FGFRL1: variants seen among roughly 807,000 people sequenced by gnomAD.
FGFRL1 encodes fibroblast growth factor receptor-like 1.
In FGFRL1, 24 loss-of-function variants were observed where a neutral mutation model predicts 36.8. That is an observed-to-expected ratio of 0.65 (90% CI 0.47 to 0.92). FGFRL1 has a LOEUF of 0.92. FGFRL1 is among the 40% of genes least tolerant of loss of function. The pLI is 0.00. For missense variants in FGFRL1, 785 were observed against 753.4 expected (o/e 1.04, Z -0.49); for synonymous variants, 422 against 344.1 (o/e 1.23, Z -2.50).
chr4:1,010,398 C>G (rs970288210), upstream of FGFRL1, among the ~76,000 whole-genome samples: 13 of 152,266 alleles, frequency 8.5e-5, no homozygotes, highest in African/African-American at 1.2e-4. Flanking sequence ...GGGCTGGGAA[C>G]CAGCACCTTG....
intron 2 of FGFRL1, among the ~76,000 whole-genome samples, chr4:1,018,105 G>A (rs1715988510): frequency 6.6e-6 from 1 of 152,182 alleles, no homozygotes; most frequent in Non-Finnish European, 1.5e-5. Flanking sequence ...GCTGATATGA[G>A]GGCCTGTGAA....
Position 1,024,504 on chromosome 4 carries a change from G to C in FGFRL1, c.912G>C (p.Val304=), listed in dbSNP as rs1013555862. The stretch of plus-strand genomic sequence containing the variant: ...TCGATGTGGGCGGCCAGAAGTTTGT[G>C]GTGCTGCCCACGGGTGACGTGTGGT... ...STIDVGGQKF[V]VLPTGDVWSR... Residue 304 remains valine (V), a synonymous_variant, in exon 6 of 7, where the codon GTG becomes GTC. Transcript: ENST00000510644. The C allele has an allele frequency of 1.2e-6, 2 of 1,612,520 alleles. No homozygotes were observed. The highest frequency in any genetic ancestry group is 1.7e-6 in the Non-Finnish European group (2 of 1,179,844).
chr4:1,012,310 T>C, intron 1 of FGFRL1, 160 bp from the exon 2 acceptor site: 1 of 678,620 alleles, frequency 1.5e-6, no homozygotes, highest in Non-Finnish European at 2.3e-6. Flanking sequence ...CTGCCTTTGA[T>C]ACCCACAGCT....
intron 2 of FGFRL1, among the ~76,000 whole-genome samples, chr4:1,016,427 G>C (rs1285447829): frequency 6.6e-6 from 1 of 152,168 alleles, no homozygotes; most frequent in Non-Finnish European, 1.5e-5. Flanking sequence ...ATCTTTGCCT[G>C]TTTTAGTGCT....
rs1181916848 is a variant in FGFRL1 at position 1,023,949 on chromosome 4, A to G, written c.566A>G (p.Gln189Arg). The G allele has an allele frequency of 9.4e-6, 15 of 1,592,312 alleles. No homozygotes were observed. Among genetic ancestry groups the G allele is most frequent in the South Asian group, 1.1e-5 (1 of 88,414 alleles). The change falls in exon 5 of 7, where the codon CAG (glutamine) becomes CGG (arginine). Residue 189 changes from glutamine to arginine, a missense_variant. Gln to Arg is a conservative substitution (Grantham distance 43). Coordinates refer to ENST00000510644, the MANE Select transcript of FGFRL1 (RefSeq NM_001004356.3). This position sits in a 1 kb window ranked among gnomAD's most constrained non-coding sequence, Gnocchi z 6.0. ...RPDITWMKDD[Q>R]ALTRPEAAEP... is the part of the protein sequence containing the mutation. ...GACATCACGTGGATGAAGGACGACC[A>G]GGCCTTGACGCGCCCAGAGGCCGCT... is the stretch of plus-strand genomic sequence containing the variant.
At chr4:1,012,708 C>T (rs545723826) in intron 2 of FGFRL1, 144 bp downstream of exon 2, 1 of 419,414 alleles carries the variant, frequency 2.4e-6, no homozygotes, top group South Asian at 6.5e-5. Context: ...CCCTTCCTTC[C>T]AGGGCCCCCT....
intron 2 of FGFRL1, among the ~76,000 whole-genome samples, chr4:1,021,156 C>T: frequency 1.1e-5 from 1 of 88,748 alleles, no homozygotes; most frequent in Admixed American, 1.4e-4. Flanking sequence ...AGGTGGGGAC[C>T]CAGACAGGGG....
chr4:1,019,906 C>T (rs1716082910), intron 2 of FGFRL1, among the ~76,000 whole-genome samples: 1 of 152,234 alleles, frequency 6.6e-6, no homozygotes, highest in South Asian at 2.1e-4. Flanking sequence ...CCTCAGCCCA[C>T]CCTTTGTGTT....
Position 1,022,209 on chromosome 4 carries a change from C to G in FGFRL1, c.86C>G (p.Pro29Arg). 1 of 1,532,164 alleles carries G rather than the reference C, an allele frequency of 6.5e-7. No individual in the cohort carries two copies. Among genetic ancestry groups the G allele is most frequent in the Non-Finnish European group, 8.8e-7 (1 of 1,137,004 alleles). The allele number at this position is 1,532,164 out of a possible 1,614,324, so 94.9% of individuals were successfully genotyped here. The change falls in exon 3 of 7, where the codon CCA (proline) becomes CGA (arginine). Residue 29 changes from proline to arginine, a missense_variant. Transcript: ENST00000510644. ...TCCTCGGTCCCACCCGCAGGCCCCCCAAAGATGGCGGACAAGGTGGTCCCA... is the reference window on the plus strand; with the variant it reads ...TCCTCGGTCCCACCCGCAGGCCCCCGAAAGATGGCGGACAAGGTGGTCCCA... ...FPPAAAARGP[P>R]KMADKVVPRQ... is the part of the protein sequence containing the mutation.
rs759553930 is a variant in FGFRL1 at position 1,023,759 on chromosome 4, G to A, written c.433+38G>A. ...TGACGGGGGTGGGGGGCGTCCGTCT[G>A]TCCCGGCCCCTTGGCTGCATCCCCG... On this transcript the variant is annotated intron_variant, in intron 4 of 6. Transcript: ENST00000510644. This position sits in a 1 kb window ranked among gnomAD's most constrained non-coding sequence, Gnocchi z 6.0. The A allele has an allele frequency of 3.9e-6, 6 of 1,550,972 alleles. No homozygotes were observed. The East Asian group carries it at 9.4e-5, about 24-fold the overall frequency.
intron 2 of FGFRL1, among the ~76,000 whole-genome samples, chr4:1,018,248 AGTGT>A (rs917539945): frequency 4.0e-5 from 6 of 149,272 alleles, no homozygotes; most frequent in Non-Finnish European, 8.9e-5. Context: ...GTCTGGGGAC[AGTGT>A]GTGTGTGACA....
In FGFRL1 at chr4:1,023,676, G is replaced by C. The variant is rs769257115; in HGVS notation, c.388G>C (p.Asp130His). 1.9e-6 allele frequency: 3 copies of C among 1,603,032 alleles called. No individual in the cohort carries two copies. Among genetic ancestry groups the C allele is most frequent in the South Asian group, 2.2e-5 (2 of 89,390 alleles). ...CCCAGGGAAGGAGAGCCTGGGGCCCGACAGCTCCTCTGGGGGTCAAGAGGA... is the reference window on the plus strand; with the variant it reads ...CCCAGGGAAGGAGAGCCTGGGGCCCCACAGCTCCTCTGGGGGTCAAGAGGA... ...ISPGKESLGP[D>H]SSSGGQEDPA... Residue 130 changes from aspartate to histidine, a missense_variant, in exon 4 of 7, where the codon GAC (aspartate) becomes CAC (histidine). Asp to His is a moderately conservative substitution (Grantham distance 81). Transcript: ENST00000510644. This position sits in a 1 kb window ranked among gnomAD's most constrained non-coding sequence, Gnocchi z 6.0.
chr4:1,012,430 C>T (rs887838629), intron 1 of FGFRL1, 40 bp from the exon 2 acceptor site: 15 of 1,572,024 alleles, frequency 9.5e-6, no homozygotes, highest in African/African-American at 5.6e-5. Flanking sequence ...CGGTATCTCC[C>T]AGTTCCACGT....
chr4:1,015,263 C>T (rs969476291), intron 2 of FGFRL1, among the ~76,000 whole-genome samples: 2 of 152,224 alleles, frequency 1.3e-5, no homozygotes, highest in African/African-American at 2.4e-5. Context: ...ACAGCCTCAG[C>T]GGGTCAGCAC....
At position 1,015,023 on chromosome 4, in the gene FGFRL1, G is replaced by T. The variant is rs1715816081; in HGVS notation, c.79+2459G>T. 2.0e-5 allele frequency among the ~76,000 whole-genome samples: 3 copies of T among 152,194 alleles called. No homozygotes were observed. The South Asian group carries it at 6.2e-4, about 31-fold the overall frequency. On this transcript the variant is annotated intron_variant, in intron 2 of 6. Transcript: ENST00000510644. Reference sequence around the variant, plus strand: ...TGCGGCCCTGTCAGGGGAAATGTTGGTTTTTCCCCAGTCGTGGCCTCCAGC... The same window carrying T: ...TGCGGCCCTGTCAGGGGAAATGTTGTTTTTTCCCCAGTCGTGGCCTCCAGC...
rs1716533849 is a variant in FGFRL1, at chr4:1,026,348, C to T, written c.*1001C>T. 7.1e-6 allele frequency: 1 copy of T among 140,326 alleles called. No individual in the cohort carries two copies. Among genetic ancestry groups the T allele is most frequent in the African/African-American group, 2.5e-5 (1 of 39,594 alleles). The allele number at this position is 140,326 out of a possible 1,614,324, so 8.7% of individuals were successfully genotyped here. On this transcript the variant is annotated 3_prime_UTR_variant, in exon 7 of 7. Transcript: ENST00000510644. ...GCTTTTGGGAGGGTGTGCCGTGAAG[C>T]CTGCAGTACGTGTGCCGTGAGGCTC... is the stretch of plus-strand genomic sequence containing the variant.
In FGFRL1 at chr4:1,024,725, G is replaced by A. The variant is rs1044783120; in HGVS notation, c.1072+61G>A. On this transcript the variant is annotated intron_variant, in intron 6 of 6. Transcript: ENST00000510644. ...TGCCCGGACCCGCCCCCTGGGCCCG[G>A]CGTCCCACCCACCGGGTGGGGCCCC... The A allele has an allele frequency of 6.0e-6, 9 of 1,507,022 alleles. No homozygotes were observed. The African/African-American group carries it at 8.3e-5, about 14-fold the overall frequency. 93.4% of individuals were successfully genotyped at this position (1,507,022 alleles called of 1,614,324 possible).
rs1484840062 is a variant in FGFRL1 at position 1,026,607 on chromosome 4, A to T, written c.*1260A>T. 3.8e-6 allele frequency: 1 copy of T among 263,270 alleles called. No homozygotes were observed. Among genetic ancestry groups the T allele is most frequent in the South Asian group, 3.8e-5 (1 of 26,542 alleles). The allele number at this position is 263,270 out of a possible 1,614,324, so 16.3% of individuals were successfully genotyped here. On this transcript the variant is annotated 3_prime_UTR_variant, in exon 7 of 7. Coordinates refer to ENST00000510644, the MANE Select transcript of FGFRL1 (RefSeq NM_001004356.3). ...ATGGCTAGTGGCTCATCCCCACTGC[A>T]TTCTCCCCCTGACACAGAGAAGGGG...
In FGFRL1 at chr4:1,025,121, A is replaced by G. The variant is rs367966622; in HGVS notation, c.1289A>G (p.Lys430Arg). The G allele has an allele frequency of 5.0e-6, 8 of 1,611,494 alleles. No homozygotes were observed. The highest frequency in any genetic ancestry group is 6.8e-6 in the Non-Finnish European group (8 of 1,179,410). The change falls in exon 7 of 7, where the codon AAG (lysine) becomes AGG (arginine). Residue 430 changes from lysine to arginine, a missense_variant. Lys to Arg is a conservative substitution (Grantham distance 26). Coordinates refer to ENST00000510644, the MANE Select transcript of FGFRL1 (RefSeq NM_001004356.3). The stretch of plus-strand genomic sequence containing the variant: ...ACGGCCCGCGACCGCAGCGGAGACA[A>G]GGACCTTCCCTCGTTGGCCGCCCTC... ...PGTARDRSGD[K>R]DLPSLAALSA...
Sources: gnomAD v4.1 joint callset for allele counts (sites outside exome capture counted in the v4.1 genomes callset) on GRCh38, gnomAD v4.1.1 for gene constraint, Gnocchi (gnomAD v3.1) non-coding constraint, MANE v1.5 for transcripts, NCBI Gene and HGNC (gene_info 2026-07-23, HGNC 2026-07-21) for gene names.